Variants in PSG5 observed in about 807,000 individuals in gnomAD.
The protein encoded by PSG5 is pregnancy-specific beta-1-glycoprotein 5.
A neutral mutation model predicts 37.7 loss-of-function variants in PSG5; 53 were observed. The ratio of observed to expected loss-of-function variants is 1.41; its 90% CI spans 1.13 to 1.77. PSG5 has a LOEUF of 1.77. Ranked by LOEUF, PSG5 falls within the 40% of genes most tolerant of loss-of-function variation. The pLI, the probability that PSG5 is intolerant of heterozygous loss-of-function variation, is 0.00. For synonymous variants in PSG5, 221 were observed against 155.4 expected, an observed-to-expected ratio of 1.42 and a Z score of -3.14; for missense variants, 547 against 405.2, an observed-to-expected ratio of 1.35 and a Z score of -3.00.
intron 2 of PSG5, among the ~76,000 whole-genome samples, chr19:43,178,564 G>T (rs7250281): frequency 0.2 from 30,358 of 150,128 alleles, 3,125 homozygotes; most frequent in Non-Finnish European, 0.25. Context: ...GTGACCCTGT[G>T]AGCCAAGTCG....
chr19:43,179,349 T>C (rs962674348), intron 2 of PSG5, among the ~76,000 whole-genome samples: 7 of 151,546 alleles, frequency 4.6e-5, no homozygotes, highest in African/African-American at 1.7e-4. Flanking sequence ...GCCTGCTTTA[T>C]GTGGGAGAAG....
intron 2 of PSG5, among the ~76,000 whole-genome samples, chr19:43,182,511 T>C (rs1260220442): frequency 1.3e-5 from 2 of 151,262 alleles, no homozygotes; most frequent in Non-Finnish European, 2.9e-5. Context: ...CATTTCCCTC[T>C]GCCCACATGA....
chr19:43,176,336 T>C (rs1020799859), intron 2 of PSG5, among the ~76,000 whole-genome samples, 188 bp from the exon 3 acceptor site: 1 of 151,538 alleles, frequency 6.6e-6, no homozygotes, highest in Non-Finnish European at 1.5e-5. Flanking sequence ...GGCCACCTGC[T>C]CTGTTTTAGG....
At chr19:43,186,319 C>T in intron 1 of PSG5, 23 bp downstream of exon 1, 1 of 1,611,436 alleles carries the variant, frequency 6.2e-7, no homozygotes, top group African/African-American at 1.3e-5. Context: ...CTCCTGTCCT[C>T]TCCCAGGAAG....
chr19:43,169,542 A>C (rs1363655162), intron 5 of PSG5, among the ~76,000 whole-genome samples: 1 of 151,662 alleles, frequency 6.6e-6, no homozygotes, highest in African/African-American at 2.4e-5. Context: ...TAGGAAGTAG[A>C]GGTAAAGGAA....
At chr19:43,170,028 C>G in intron 5 of PSG5, 27 bp downstream of exon 5, 1 of 1,389,744 alleles carries the variant, frequency 7.2e-7, no homozygotes. Flanking sequence ...CCTGCAGGAA[C>G]CAGGATAAGA....
intron 2 of PSG5, 124 bp downstream of exon 2, chr19:43,184,658 A>G: frequency 6.5e-7 from 1 of 1,548,048 alleles, no homozygotes; most frequent in Non-Finnish European, 8.9e-7. Context: ...TAAATGCCCA[A>G]ACCGCAGCAT....
intron 4 of PSG5, among the ~76,000 whole-genome samples, chr19:43,173,761 G>A (rs1245210379): frequency 6.6e-6 from 1 of 151,660 alleles, no homozygotes; most frequent in African/African-American, 2.4e-5. Flanking sequence ...CTAGTGCATT[G>A]CTGATGGGAA....
At chr19:43,186,096 C>T (rs942693703) in intron 1 of PSG5, among the ~76,000 whole-genome samples, 2 of 151,270 alleles carry the variant, frequency 1.3e-5, no homozygotes, top group South Asian at 4.2e-4. Context: ...CCTGCCTCAG[C>T]CTCCAGAGTA....
At chr19:43,180,143 C>G (rs28651745) in intron 2 of PSG5, among the ~76,000 whole-genome samples, 1,898 of 151,598 alleles carry the variant, frequency 0.013, 90 homozygotes, top group African/African-American at 0.044. Flanking sequence ...CTATGTACCT[C>G]ATATCAGTGG....
intron 5 of PSG5, among the ~76,000 whole-genome samples, chr19:43,168,865 T>C (rs1424922518): frequency 2.6e-5 from 4 of 151,598 alleles, no homozygotes; most frequent in South Asian, 4.2e-4. Context: ...CAAAAATGTA[T>C]AGTCTTATGT....
At position 43,185,116 on chromosome 19, in the gene PSG5, G is replaced by T. The variant is rs776871040; in HGVS notation, c.96C>A (p.Ile32=). Residue 32 remains isoleucine, a synonymous_variant, in exon 2 of 6, where the codon ATC becomes ATA. Coordinates refer to ENST00000342951, the MANE Select transcript of PSG5 (RefSeq NM_002781.4). Reference sequence around the variant, plus strand: ...GGGCTTCAATCGTGACTTGAGCAGTGATAGGCAGGTTCCAGAAGTTTAAAA... The same window carrying T: ...GGGCTTCAATCGTGACTTGAGCAGTTATAGGCAGGTTCCAGAAGTTTAAAA... ...ASLLNFWNLP[I]TAQVTIEALP... is the part of the protein sequence containing the mutation. 7 of 1,609,836 alleles carry T rather than the reference G, an allele frequency of 4.3e-6. No homozygotes were observed. The East Asian group carries it at 1.6e-4, about 36-fold the overall frequency.
At position 43,184,890 on chromosome 19, in the gene PSG5, G is replaced by A. The variant is rs1465858317; in HGVS notation, c.322C>T (p.Leu108=). The change falls in exon 2 of 6, where the codon CTG becomes TTG. Residue 108 remains leucine, a synonymous_variant. Transcript: ENST00000342951. ...RETVYSNASL[L]IQNVTREDAG... ...TCTTCCCGGGTGACATTCTGGATCA[G>A]CAGGGATGCATTGGAATATACTGTT... The A allele has an allele frequency of 6.2e-7, 1 of 1,612,486 alleles. No individual in the cohort carries two copies. The highest frequency in any genetic ancestry group is 1.3e-5 in the African/African-American group (1 of 74,508).
In PSG5 at chr19:43,168,468, A is replaced by C. The variant is rs1404854708; in HGVS notation, c.*41-265T>G. Among the ~76,000 whole-genome samples the C allele has an allele frequency of 3.3e-5, 5 of 151,544 alleles. No individual in the cohort carries two copies. In the East Asian group the frequency reaches 5.8e-4, roughly 18 times the overall value. ...ACTGCAAGCTCTGCCTCCCGGGTTC[A>C]TGCCATTCTCCTGCCTCAGCCTCCT... is the stretch of plus-strand genomic sequence containing the variant. On this transcript the variant is annotated intron_variant, in intron 5 of 5. Coordinates refer to ENST00000342951, the MANE Select transcript of PSG5 (RefSeq NM_002781.4).
In PSG5 at chr19:43,181,384, A is replaced by T. The variant is rs1393784157; in HGVS notation, c.430+3398T>A. ...CAGTTTTGGAAGTTTCTATTGACAC[A>T]TCCTCAAGCCAGAGATTCTTTCCCC... On this transcript the variant is annotated intron_variant, in intron 2 of 5. Coordinates refer to ENST00000342951, the MANE Select transcript of PSG5 (RefSeq NM_002781.4). 2.0e-5 allele frequency among the ~76,000 whole-genome samples: 3 copies of T among 151,680 alleles called. 1 individual carries two copies. The highest frequency in any genetic ancestry group is 7.3e-5 in the African/African-American group (3 of 41,164).
At chr19:43,172,430 G>A (rs2122205795) in intron 4 of PSG5, among the ~76,000 whole-genome samples, 1 of 151,610 alleles carries the variant, frequency 6.6e-6, no homozygotes, top group Non-Finnish European at 1.5e-5. Context: ...ATTCAAATTG[G>A]AAGGAAGGAG....
chr19:43,181,067 CA>C (rs1969117512), intron 2 of PSG5, among the ~76,000 whole-genome samples: 1 of 151,474 alleles, frequency 6.6e-6, no homozygotes. Context: ...AGTGAGATGC[CA>C]ATGGCTCGTG....
intron 1 of PSG5, 91 bp from the exon 2 acceptor site, chr19:43,185,238 C>G: frequency 1.4e-6 from 2 of 1,422,606 alleles, no homozygotes; most frequent in East Asian, 2.3e-5. Flanking sequence ...TCTCTTCAAT[C>G]CTCAGCCTTG....
chr19:43,171,224 G>A (rs1968899114), intron 4 of PSG5: 1 of 150,480 alleles, frequency 6.6e-6, no homozygotes, highest in Admixed American at 6.6e-5. Flanking sequence ...TGACCTCAAG[G>A]CTAATGATGA....
Sources: allele counts gnomAD v4.1 joint callset (sites outside exome capture counted in the v4.1 genomes callset), GRCh38; gene constraint gnomAD v4.1.1; transcripts MANE v1.5; gene names NCBI Gene and HGNC (gene_info 2026-07-23, HGNC 2026-07-21).